The following BAIAP2L1 variants were observed in gnomAD, a reference collection of about 807,000 sequenced individuals.
BAIAP2L1 encodes the protein BAR/IMD domain containing adaptor protein 2 like 1.
Under a neutral mutation model 66.3 loss-of-function variants are expected in BAIAP2L1, and 35 were observed. The ratio of observed to expected loss-of-function variants is 0.53; its 90% CI spans 0.40 to 0.70. The LOEUF is 0.70. Ranked by LOEUF, BAIAP2L1 falls within the 30% of genes least tolerant of loss-of-function variation. The pLI, the probability that BAIAP2L1 is intolerant of heterozygous loss-of-function variation, is 0.00. For synonymous variants in BAIAP2L1, 269 were observed against 248.7 expected (o/e 1.08, Z -0.77); for missense variants, 622 against 656.9 (o/e 0.95, Z 0.58).
In BAIAP2L1 at chr7:98,383,283, CTTTT is replaced by C. The variant is rs112746004; in HGVS notation, c.51+17515_51+17518del. Among the ~76,000 whole-genome samples the C allele has an allele frequency of 4.4e-5, 6 of 137,854 alleles. No homozygotes were observed. The South Asian group carries it at 9.1e-4, about 21-fold the overall frequency. 90.4% of individuals were successfully genotyped at this position (137,854 alleles called of 152,430 possible). ...ACTACCATGTAATATAACTTTCAAT[CTTTT>C]TTTTTTTTTTTTTCAGACAGAATTT... is the stretch of plus-strand genomic sequence containing the variant. On this transcript the variant is annotated intron_variant, in intron 1 of 13. Coordinates refer to ENST00000005260, the MANE Select transcript of BAIAP2L1 (RefSeq NM_018842.5).
At chr7:98,329,126 C>T (rs749455876) in intron 3 of BAIAP2L1, among the ~76,000 whole-genome samples, 4 of 152,166 alleles carry the variant, frequency 2.6e-5, no homozygotes, top group South Asian at 4.1e-4. Context: ...AAGGCACTTC[C>T]GGTTTCCACT....
chr7:98,334,295 T>C (rs763833437), intron 3 of BAIAP2L1, among the ~76,000 whole-genome samples: 5 of 152,200 alleles, frequency 3.3e-5, no homozygotes, highest in Non-Finnish European at 7.3e-5. Context: ...CCAAGAGTTA[T>C]AGGAACAGGC....
At chr7:98,372,756 T>C (rs1466059818) in intron 1 of BAIAP2L1, among the ~76,000 whole-genome samples, 1 of 83,400 alleles carries the variant, frequency 1.2e-5, no homozygotes, top group Non-Finnish European at 2.6e-5. Flanking sequence ...TTTTTTTTTT[T>C]GAGACACAGT....
intron 3 of BAIAP2L1, among the ~76,000 whole-genome samples, chr7:98,324,311 G>T (rs1380802858): frequency 1.3e-5 from 2 of 152,116 alleles, no homozygotes; most frequent in South Asian, 2.1e-4. Flanking sequence ...CTCAATATTC[G>T]CAGAAATAAT....
chr7:98,390,681 A>G (rs1319558058), intron 1 of BAIAP2L1, among the ~76,000 whole-genome samples: 4 of 151,856 alleles, frequency 2.6e-5, no homozygotes, highest in African/African-American at 9.7e-5. Flanking sequence ...GCAGTGAGCC[A>G]AGATTGCGCC....
At chr7:98,398,202 T>C (rs1416222191) in intron 1 of BAIAP2L1, among the ~76,000 whole-genome samples, 1 of 152,020 alleles carries the variant, frequency 6.6e-6, no homozygotes, top group African/African-American at 2.4e-5. Context: ...GGTTAGGTAA[T>C]ATAGAGGACA....
chr7:98,325,142 T>C (rs565724739), intron 3 of BAIAP2L1, among the ~76,000 whole-genome samples: 2 of 152,268 alleles, frequency 1.3e-5, no homozygotes, highest in African/African-American at 4.8e-5. Context: ...CCTAGCACTT[T>C]GGGAGGCGGA....
intron 1 of BAIAP2L1, among the ~76,000 whole-genome samples, chr7:98,387,658 G>A (rs1191632817): frequency 6.6e-6 from 1 of 151,568 alleles, no homozygotes; most frequent in Non-Finnish European, 1.5e-5. Context: ...CCAGGAGTTC[G>A]AGACCAGCCT....
chr7:98,319,953 T>C (rs538623784), intron 5 of BAIAP2L1, 105 bp downstream of exon 5: 11 of 908,568 alleles, frequency 1.2e-5, no homozygotes, highest in Non-Finnish European at 1.9e-5. Context: ...AACACGGAGC[T>C]TCTCTCCTGT....
At chr7:98,374,876 AG>A (rs1285697144) in intron 1 of BAIAP2L1, among the ~76,000 whole-genome samples, 1 of 151,994 alleles carries the variant, frequency 6.6e-6, no homozygotes, top group Non-Finnish European at 1.5e-5. Flanking sequence ...GCTTGAGGTC[AG>A]GGGTTCAAGA....
At chr7:98,346,224 A>G (rs1801870663) in intron 3 of BAIAP2L1, among the ~76,000 whole-genome samples, 1 of 152,224 alleles carries the variant, frequency 6.6e-6, no homozygotes, top group Admixed American at 6.5e-5. Context: ...GACAGGCACT[A>G]AACAATTCAA....
At position 98,307,912 on chromosome 7, in the gene BAIAP2L1, T is replaced by C. The variant is rs1352415022; in HGVS notation, c.956-16A>G. On this transcript the variant is annotated splice_polypyrimidine_tract_variant and intron_variant, in intron 9 of 13. Transcript: ENST00000005260. ...TCGGAAGTACCTGTTGGAGGGAGTG[T>C]AGCAGTAATGGCTTTTCAAAGCATG... 6.2e-7 allele frequency: 1 copy of C among 1,613,412 alleles called. No individual in the cohort carries two copies. Among genetic ancestry groups the C allele is most frequent in the Non-Finnish European group, 8.5e-7 (1 of 1,179,318 alleles).
chr7:98,304,865 A>AT (rs11423233), intron 11 of BAIAP2L1, among the ~76,000 whole-genome samples: 56,130 of 136,286 alleles, frequency 0.41, 12,952 homozygotes, highest in Middle Eastern at 0.54. Context: ...CTCACAAGAA[A>AT]TTTTTTTTTT....
At chr7:98,310,375 A>G in intron 9 of BAIAP2L1, 70 bp downstream of exon 9, 9 of 1,504,616 alleles carry the variant, frequency 6.0e-6, no homozygotes, top group Non-Finnish European at 7.2e-6. Flanking sequence ...TATACAAAAT[A>G]TTTATTTCAC....
At chr7:98,329,220 C>G (rs75316449) in intron 3 of BAIAP2L1, among the ~76,000 whole-genome samples, 1 of 152,148 alleles carries the variant, frequency 6.6e-6, no homozygotes, top group Non-Finnish European at 1.5e-5. Context: ...AAATAAGAAA[C>G]AGTAATTCTG....
intron 3 of BAIAP2L1, among the ~76,000 whole-genome samples, chr7:98,329,944 C>T (rs1048972687): frequency 2.6e-5 from 4 of 152,112 alleles, no homozygotes; most frequent in Admixed American, 1.3e-4. Flanking sequence ...CTTGGGAAAA[C>T]CAAAGACAAC....
intron 7 of BAIAP2L1, among the ~76,000 whole-genome samples, chr7:98,313,982 CTTTTTTTTTTTT>C (rs35599338): frequency 9.9e-6 from 1 of 100,974 alleles, no homozygotes; most frequent in African/African-American, 3.7e-5. Context: ...CTTTTTCTTC[CTTTTTTTTTTTT>C]TTTTTTTTTG....
chr7:98,335,604 A>G (rs1698246478), intron 3 of BAIAP2L1, among the ~76,000 whole-genome samples: 1 of 152,134 alleles, frequency 6.6e-6, no homozygotes, highest in Non-Finnish European at 1.5e-5. Context: ...TATCTGATAC[A>G]CTCATTCAGT....
chr7:98,293,961 C>T (rs748467380), intron 13 of BAIAP2L1, 113 bp downstream of exon 13: 319 of 1,252,198 alleles, frequency 2.5e-4, no homozygotes, highest in Non-Finnish European at 3.4e-4. Flanking sequence ...CTCCACAGGC[C>T]GAGGCCTTTC....
Sources: gnomAD v4.1 joint callset for allele counts (sites outside exome capture counted in the v4.1 genomes callset) on GRCh38, gnomAD v4.1.1 for gene constraint, MANE v1.5 for transcripts, NCBI Gene and HGNC (gene_info 2026-07-23, HGNC 2026-07-21) for gene names.